SEMA5A: variants seen among roughly 807,000 people sequenced by gnomAD.
SEMA5A encodes the protein semaphorin 5A, also known as semaphorin-5A.
Under a neutral mutation model 135.5 loss-of-function variants are expected in SEMA5A, and 55 were observed. That is an observed-to-expected ratio of 0.41 (90% CI 0.33 to 0.51). SEMA5A has a LOEUF of 0.51. Among genes scored for constraint, SEMA5A ranks in the 20% least tolerant of loss-of-function variants. The pLI, the probability that SEMA5A is intolerant of heterozygous loss-of-function variation, is 0.37. For synonymous variants in SEMA5A, 580 were observed against 546.5 expected, an observed-to-expected ratio of 1.06 and a Z score of -0.85; for missense variants, 1,290 against 1,419.9, an observed-to-expected ratio of 0.91 and a Z score of 1.47.
At chr5:9,297,026 G>T (rs1656551563) in intron 5 of SEMA5A, among the ~76,000 whole-genome samples, 2 of 151,928 alleles carry the variant, frequency 1.3e-5, no homozygotes, top group Non-Finnish European at 2.9e-5. Context: ...TGCAGCTAAA[G>T]CTCAGAGAAG....
chr5:9,309,693 C>T (rs1265473858), intron 5 of SEMA5A, among the ~76,000 whole-genome samples: 1 of 152,058 alleles, frequency 6.6e-6, no homozygotes, highest in Non-Finnish European at 1.5e-5. Context: ...TGTGAATGTT[C>T]AGCTTCTAGG....
At position 9,207,102 on chromosome 5, in the gene SEMA5A, G is replaced by GTATA. The variant is rs70943947; in HGVS notation, c.647-4866_647-4863dup. Among the ~76,000 whole-genome samples, 169 of 97,662 alleles carry GTATA rather than the reference G, an allele frequency of 1.7e-3. 4 individuals carry two copies. The highest frequency in any genetic ancestry group is 4.8e-3 in the African/African-American group (124 of 25,660). 64.1% of individuals were successfully genotyped at this position (97,662 alleles called of 152,430 possible). A position where few individuals can be genotyped will look rare whatever the true frequency, so the allele number is the denominator to read the frequency against. On this transcript the variant is annotated intron_variant, in intron 8 of 22. Transcript: ENST00000382496. ...ACATAATGATAATGAATGATCAAGT[G>GTATA]TATATATATATATATATATATATAT... is the stretch of plus-strand genomic sequence containing the variant.
intron 16 of SEMA5A, among the ~76,000 whole-genome samples, chr5:9,086,652 C>T (rs1389625286): frequency 1.3e-5 from 2 of 152,118 alleles, no homozygotes; most frequent in Admixed American, 1.3e-4. Context: ...ACTAATATAC[C>T]TACCAAAGCC....
intron 5 of SEMA5A, among the ~76,000 whole-genome samples, chr5:9,245,642 A>G (rs906909972): frequency 1.3e-5 from 2 of 152,226 alleles, no homozygotes; most frequent in Non-Finnish European, 2.9e-5. Context: ...ATAATAAACC[A>G]GGGAGGCCAA....
intron 2 of SEMA5A, among the ~76,000 whole-genome samples, chr5:9,388,488 AAG>A (rs940785979): frequency 1.3e-5 from 2 of 152,042 alleles, no homozygotes; most frequent in Non-Finnish European, 2.9e-5. Context: ...AAAAAAGAAA[AAG>A]AAAAAAGTAC....
rs1745871547 is a variant in SEMA5A, at chr5:9,204,012, T to C, written c.647-1772A>G. On this transcript the variant is annotated intron_variant, in intron 8 of 22. Transcript: ENST00000382496. The surrounding 1 kb of genome is among the most constrained non-coding windows in gnomAD (Gnocchi z 6.4). Reference sequence around the variant, plus strand: ...GTGTTAAGTCTGTGTTTACTGTAAGTCTCCAAAACAGAATTACCTGATGAA... The same window carrying C: ...GTGTTAAGTCTGTGTTTACTGTAAGCCTCCAAAACAGAATTACCTGATGAA... 6.6e-6 allele frequency among the ~76,000 whole-genome samples: 1 copy of C among 151,904 alleles called. No individual in the cohort carries two copies. Among genetic ancestry groups the C allele is most frequent in the Non-Finnish European group, 1.5e-5 (1 of 67,992 alleles).
chr5:9,265,602 C>G (rs1309704269), intron 5 of SEMA5A: 1 of 453,718 alleles, frequency 2.2e-6, no homozygotes, highest in African/African-American at 2.0e-5. Flanking sequence ...CCTGGCGTCC[C>G]ATGTTCAGCT....
chr5:9,325,696 A>T (rs1214574284), intron 4 of SEMA5A, among the ~76,000 whole-genome samples: 4 of 152,230 alleles, frequency 2.6e-5, no homozygotes, highest in Admixed American at 1.3e-4. Context: ...TAAATGACTC[A>T]TTTCATCTAG....
intron 5 of SEMA5A, among the ~76,000 whole-genome samples, chr5:9,304,544 T>C (rs760816610): frequency 6.6e-6 from 1 of 152,186 alleles, no homozygotes; most frequent in African/African-American, 2.4e-5. Flanking sequence ...CTCTATGTCA[T>C]ACAGCCTATA....
At chr5:9,120,097 T>C (rs1740734283) in intron 14 of SEMA5A, among the ~76,000 whole-genome samples, 1 of 152,062 alleles carries the variant, frequency 6.6e-6, no homozygotes, top group African/African-American at 2.4e-5. Flanking sequence ...TAAAATTTTA[T>C]GTGTTAAAAT....
chr5:9,339,968 G>A (rs1753570496), intron 3 of SEMA5A, among the ~76,000 whole-genome samples: 1 of 152,102 alleles, frequency 6.6e-6, no homozygotes, highest in African/African-American at 2.4e-5. Flanking sequence ...TGAAGTCAAG[G>A]TAAACAACTT....
rs70943966 is a variant in SEMA5A at position 9,457,900 on chromosome 5, C to CTTTTT, written c.-174-20053_-174-20049dup. Among the ~76,000 whole-genome samples the CTTTTT allele has an allele frequency of 2.0e-4, 14 of 70,160 alleles. 1 individual carries two copies. Among genetic ancestry groups the CTTTTT allele is most frequent in the Non-Finnish European group, 2.5e-4 (10 of 39,516 alleles). 46.0% of individuals were successfully genotyped at this position (70,160 alleles called of 152,430 possible). Reference sequence around the variant, plus strand: ...AATTCTTGAAAAACCAGCATCTCTCCTTTTTTTTTTTTTTTTTTTTTTTTT... The same window carrying CTTTTT: ...AATTCTTGAAAAACCAGCATCTCTCCTTTTTTTTTTTTTTTTTTTTTTTTTTTTTT... On this transcript the variant is annotated intron_variant, in intron 1 of 22. Coordinates refer to ENST00000382496, the MANE Select transcript of SEMA5A (RefSeq NM_003966.3).
At chr5:9,507,770 C>T (rs1370853504) in intron 1 of SEMA5A, among the ~76,000 whole-genome samples, 2 of 151,962 alleles carry the variant, frequency 1.3e-5, no homozygotes, top group East Asian at 3.9e-4. Flanking sequence ...TTTGGGAGGC[C>T]GAGGCGGGCG....
At chr5:9,375,128 T>C (rs1755309103) in intron 3 of SEMA5A, among the ~76,000 whole-genome samples, 1 of 152,122 alleles carries the variant, frequency 6.6e-6, no homozygotes, top group African/African-American at 2.4e-5. Context: ...CTTTGATATA[T>C]CCCCACACAT....
At chr5:9,417,846 G>A (rs1401489054) in intron 2 of SEMA5A, among the ~76,000 whole-genome samples, 1 of 152,178 alleles carries the variant, frequency 6.6e-6, no homozygotes, top group Non-Finnish European at 1.5e-5. Context: ...TTAGAAGGCT[G>A]GAAAGCTCAA....
At chr5:9,448,284 C>A (rs970770913) in intron 1 of SEMA5A, among the ~76,000 whole-genome samples, 2 of 152,246 alleles carry the variant, frequency 1.3e-5, no homozygotes, top group African/African-American at 4.8e-5. Flanking sequence ...TCTATCCCAA[C>A]TGCCAACATT....
chr5:9,044,561 C>T lies in SEMA5A; in HGVS notation c.2917G>A (p.Ala973Thr), dbSNP rs372850332. ...AGGATGGAGCTGCTCAGCCCCACGG[C>T]GATCATGTGGAACATGTTGAACTCT... Reference protein sequence around the residue: ...CGEFNMFHMIAVGLSSSILGC... With the variant: ...CGEFNMFHMITVGLSSSILGC... The change falls in exon 22 of 23, where the codon GCC (alanine) becomes ACC (threonine). Residue 973 changes from alanine (A) to threonine (T), a missense_variant. Ala to Thr is a moderately conservative substitution (Grantham distance 58). Around this residue, in one of 3 missense-constraint regions of SEMA5A, gnomAD observed 1,029 missense variants for 1,086.6 expected, o/e 0.95. Transcript: ENST00000382496. 281 of 1,613,726 alleles carry T rather than the reference C, an allele frequency of 1.7e-4. No homozygotes were observed. The highest frequency in any genetic ancestry group is 2.6e-4 in the South Asian group (24 of 91,060).
At chr5:9,213,078 G>A (rs1053384513) in intron 8 of SEMA5A, among the ~76,000 whole-genome samples, 1 of 152,154 alleles carries the variant, frequency 6.6e-6, no homozygotes, top group African/African-American at 2.4e-5. Flanking sequence ...GAGGAATGAG[G>A]GAGCTCTCCG....
At chr5:9,221,348 G>A (rs967212243) in intron 8 of SEMA5A, among the ~76,000 whole-genome samples, 1 of 145,216 alleles carries the variant, frequency 6.9e-6, no homozygotes. Context: ...TGTCACCCAG[G>A]CTGGAGTGCA....
Sources: gnomAD v4.1 joint callset for allele counts (sites outside exome capture counted in the v4.1 genomes callset) on GRCh38, gnomAD v4.1.1 for gene constraint, gnomAD v4.1.1 regional missense constraint, Gnocchi (gnomAD v3.1) non-coding constraint, MANE v1.5 for transcripts, NCBI Gene and HGNC (gene_info 2026-07-23, HGNC 2026-07-21) for gene names.